The following LYRM4 variants were observed in gnomAD, a reference collection of about 807,000 sequenced individuals.
LYRM4 encodes the protein LYR motif containing 4.
Under a neutral mutation model 11.7 loss-of-function variants are expected in LYRM4, and 9 were observed. That is an observed-to-expected ratio of 0.77 (90% CI 0.46 to 1.34). The LOEUF (loss-of-function observed/expected upper bound fraction) is 1.34. Ranked by LOEUF, LYRM4 falls within the 40% of genes most tolerant of loss-of-function variation. The pLI is 0.00. For synonymous variants in LYRM4, 42 were observed against 40.4 expected, an observed-to-expected ratio of 1.04 and a Z score of -0.15; for missense variants, 133 against 112.5, an observed-to-expected ratio of 1.18 and a Z score of -0.82.
At position 5,183,443 on chromosome 6, in the gene LYRM4, C is replaced by T. The variant is rs1245917819; in HGVS notation, c.207+33175G>A. Among the ~76,000 whole-genome samples the T allele has an allele frequency of 3.9e-5, 6 of 152,232 alleles. No individual in the cohort carries two copies. The East Asian group carries it at 1.2e-3, about 29-fold the overall frequency. On this transcript the variant is annotated intron_variant, in intron 2 of 2. Transcript: ENST00000330636. ...TAAGCAATGCATTAAATGGTAACTG[C>T]TATTATTATTATAGCCATAATCATA...
At chr6:5,068,820 G>T in the LYRM4 span, among the ~76,000 whole-genome samples, 1 of 152,278 alleles carries the variant, frequency 6.6e-6, no homozygotes, top group East Asian at 1.9e-4. This position sits in a 1 kb window ranked among gnomAD's most constrained non-coding sequence, Gnocchi z 4.0. Context: ...TTATCCATTT[G>T]TAAACTGCTG....
At chr6:5,110,958 C>T (rs1460911443) in intron 2 of LYRM4, among the ~76,000 whole-genome samples, 1 of 152,178 alleles carries the variant, frequency 6.6e-6, no homozygotes, top group African/African-American at 2.4e-5. Context: ...AGGAGCCGCA[C>T]TGGTTTTCTC....
the LYRM4 span, among the ~76,000 whole-genome samples, chr6:5,063,533 T>C: frequency 2.0e-5 from 3 of 152,174 alleles, no homozygotes; most frequent in African/African-American, 7.2e-5. Flanking sequence ...TGTGGTTGTT[T>C]ATTCTGACAC....
chr6:5,130,196 C>A (rs1763885983), intron 2 of LYRM4, among the ~76,000 whole-genome samples: 1 of 152,144 alleles, frequency 6.6e-6, no homozygotes, highest in African/African-American at 2.4e-5. Context: ...TGGGCGTGGG[C>A]TGCAGGGGGA....
At chr6:5,225,116 T>C (rs773078742) in intron 1 of LYRM4, among the ~76,000 whole-genome samples, 30 of 152,026 alleles carry the variant, frequency 2.0e-4, no homozygotes, top group Admixed American at 7.2e-4. Context: ...GGCGTGGTGG[T>C]GGGCGCCTGT....
chr6:5,091,764 C>G, the LYRM4 span, among the ~76,000 whole-genome samples: 2 of 152,194 alleles, frequency 1.3e-5, no homozygotes, highest in African/African-American at 4.8e-5. Context: ...TTAAGTAAGT[C>G]ATGAGTTCAG....
At chr6:5,092,182 C>T in the LYRM4 span, among the ~76,000 whole-genome samples, 1 of 152,146 alleles carries the variant, frequency 6.6e-6, no homozygotes, top group Admixed American at 6.5e-5. Context: ...GAGGAAGCGT[C>T]CACTCTGGCA....
chr6:5,222,058 C>T (rs917307934), intron 1 of LYRM4, among the ~76,000 whole-genome samples: 24 of 152,166 alleles, frequency 1.6e-4, no homozygotes, highest in African/African-American at 4.3e-4. Context: ...GAAGGTCACA[C>T]GGACTCTGGG....
At chr6:5,088,008 G>A in the LYRM4 span, 4 of 152,148 alleles carry the variant, frequency 2.6e-5, no homozygotes, top group South Asian at 6.2e-4. Flanking sequence ...CGTACATTTG[G>A]CCCATGGGCC....
intron 2 of LYRM4, among the ~76,000 whole-genome samples, chr6:5,191,511 T>C (rs1760754133): frequency 6.6e-6 from 1 of 152,190 alleles, no homozygotes; most frequent in Admixed American, 6.5e-5. Flanking sequence ...GGTCATGAGT[T>C]TGTGAAACTA....
intron 2 of LYRM4, among the ~76,000 whole-genome samples, chr6:5,210,385 T>A (rs971140338): frequency 1.3e-5 from 2 of 152,100 alleles, no homozygotes; most frequent in Non-Finnish European, 2.9e-5. Flanking sequence ...ATTCACTAGT[T>A]CAAGCTTCAA....
At chr6:5,236,978 C>A (rs1005300198) in intron 1 of LYRM4, among the ~76,000 whole-genome samples, 5 of 151,984 alleles carry the variant, frequency 3.3e-5, no homozygotes, top group African/African-American at 1.2e-4. Context: ...CTCTAAGGAA[C>A]AGAACAGAAG....
intron 2 of LYRM4, among the ~76,000 whole-genome samples, chr6:5,203,684 C>T (rs1761523131): frequency 6.6e-6 from 1 of 152,238 alleles, no homozygotes; most frequent in Non-Finnish European, 1.5e-5. Context: ...CACAGCTCCA[C>T]TTAATGCACT....
At chr6:5,245,114 ATATATAT>A (rs1404228280) in intron 1 of LYRM4, among the ~76,000 whole-genome samples, 12 of 12,030 alleles carry the variant, frequency 1.0e-3, no homozygotes, top group South Asian at 6.0e-3. Context: ...AAAAAAAAAA[ATATATAT>A]ATATATATAT....
intron 2 of LYRM4, among the ~76,000 whole-genome samples, chr6:5,121,988 C>A (rs896086270): frequency 6.6e-6 from 1 of 152,206 alleles, no homozygotes; most frequent in Non-Finnish European, 1.5e-5. Context: ...GGCAATCAGG[C>A]TGCCTGTTGT....
chr6:5,068,782 T>A, the LYRM4 span, among the ~76,000 whole-genome samples: 5 of 149,606 alleles, frequency 3.3e-5, no homozygotes, highest in Admixed American at 2.0e-4. The surrounding 1 kb of genome is among the most constrained non-coding windows in gnomAD (Gnocchi z 4.0). Context: ...TTAAAGTATT[T>A]AAAAAAAAAA....
chr6:5,077,271 C>G, the LYRM4 span, among the ~76,000 whole-genome samples: 1 of 152,230 alleles, frequency 6.6e-6, no homozygotes, highest in African/African-American at 2.4e-5. Context: ...CAAAGTTCTT[C>G]CCTCAAAGAA....
intron 2 of LYRM4, among the ~76,000 whole-genome samples, chr6:5,148,742 G>T (rs1369317792): frequency 6.6e-6 from 1 of 152,036 alleles, no homozygotes; most frequent in African/African-American, 2.4e-5. Flanking sequence ...AATTCTTGAA[G>T]ATGAGAGCCT....
the LYRM4 span, among the ~76,000 whole-genome samples, chr6:5,090,263 T>G: frequency 0.054 from 8,298 of 152,288 alleles, 261 homozygotes; most frequent in Middle Eastern, 0.11. The surrounding 1 kb of genome is among the most constrained non-coding windows in gnomAD (Gnocchi z 4.8). Context: ...AGTGTGTCCA[T>G]GGATCACTGG....
Sources: gnomAD v4.1 joint callset for allele counts (sites outside exome capture counted in the v4.1 genomes callset) on GRCh38, gnomAD v4.1.1 for gene constraint, Gnocchi (gnomAD v3.1) non-coding constraint, MANE v1.5 for transcripts, NCBI Gene and HGNC (gene_info 2026-07-23, HGNC 2026-07-21) for gene names.